Variants in DDX55 observed in about 807,000 individuals in gnomAD.
DDX55 encodes DEAD-box helicase 55.
A neutral mutation model predicts 69.2 loss-of-function variants in DDX55; 56 were observed. That is an observed-to-expected ratio of 0.81 (90% confidence interval 0.65 to 1.01). DDX55 has a LOEUF of 1.01. Ranked by LOEUF, DDX55 falls within the 50% of genes least tolerant of loss-of-function variation. DDX55 has a pLI of 0.00. For synonymous variants in DDX55, 268 were observed against 273.1 expected (o/e 0.98, Z 0.18); for missense variants, 720 against 745.1 (o/e 0.97, Z 0.39).
At chr12:123,611,934 C>G (rs1250161720) in intron 7 of DDX55, among the ~76,000 whole-genome samples, 1 of 152,222 alleles carries the variant, frequency 6.6e-6, no homozygotes, top group Non-Finnish European at 1.5e-5. Flanking sequence ...GAGGTCCTTA[C>G]TTGTCAAATG....
At chr12:123,603,895 C>T (rs780558866) in intron 1 of DDX55, among the ~76,000 whole-genome samples, 1 of 152,058 alleles carries the variant, frequency 6.6e-6, no homozygotes, top group Non-Finnish European at 1.5e-5. Flanking sequence ...TTCTGCCTCC[C>T]GGGTTCAAGC....
Position 123,617,763 on chromosome 12 carries a change from T to TC in DDX55, c.1056dup (p.Val353ArgfsTer34). On this transcript the variant is annotated frameshift_variant, in exon 11 of 14. Coordinates refer to ENST00000238146, the MANE Select transcript of DDX55 (RefSeq NM_020936.3). LOFTEE classifies it high-confidence loss of function. ...TCCACCCTGTGTTCTCACAGTGCCT[T>TC]CGTGCATCGCTGCGGTCGCACAGCT... 1 of 1,611,544 alleles carries TC rather than the reference T, an allele frequency of 6.2e-7. No homozygotes were observed. The highest frequency in any genetic ancestry group is 8.5e-7 in the Non-Finnish European group (1 of 1,179,046).
intron 12 of DDX55, 34 bp downstream of exon 12, chr12:123,618,871 A>G: frequency 6.2e-7 from 1 of 1,607,498 alleles, no homozygotes; most frequent in Non-Finnish European, 8.5e-7. Context: ...TAATGTCTCC[A>G]TCTTAACTAT....
At position 123,619,633 on chromosome 12, in the gene DDX55, G is replaced by A. The variant is rs772023591; in HGVS notation, c.1535G>A (p.Arg512Lys). The change falls in exon 13 of 14, where the codon AGA becomes AAA. Residue 512 changes from arginine (R) to lysine (K), a missense_variant. Physicochemically the swap from Arg to Lys is conservative, Grantham distance 26. Coordinates refer to ENST00000238146, the MANE Select transcript of DDX55 (RefSeq NM_020936.3). ...QRREKTENEG[R>K]RKFIKNKAWS... ...AGAGAGAAAACAGAAAATGAAGGGA[G>A]AAGAAAATTCATAAAAAATAAAGCT... 2 of 1,609,136 alleles carry A rather than the reference G, an allele frequency of 1.2e-6. No individual in the cohort carries two copies. The highest frequency in any genetic ancestry group is 2.2e-5 in the South Asian group (2 of 90,110).
At chr12:123,607,958 C>T (rs1953993564) in intron 5 of DDX55, 1 of 445,172 alleles carries the variant, frequency 2.2e-6, no homozygotes, top group Non-Finnish European at 4.1e-6. Flanking sequence ...CTTGAATACT[C>T]AGCTCCAGCT....
In DDX55 at chr12:123,607,410, T is replaced by C. The variant is rs143284953; in HGVS notation, c.247-22T>C. 3,244 of 1,613,170 alleles carry C rather than the reference T, an allele frequency of 2.0e-3. 75 individuals carry two copies. In the Admixed American group the frequency reaches 0.044, roughly 22 times the overall value. ...GGAGTCCCTTGTGCTGCTGACTGTGTCCCTTCCTTCCATGTGGGTAGGTTG... is the reference window on the plus strand; with the variant it reads ...GGAGTCCCTTGTGCTGCTGACTGTGCCCCTTCCTTCCATGTGGGTAGGTTG... On this transcript the variant is annotated intron_variant, in intron 3 of 13. Transcript: ENST00000238146.
intron 1 of DDX55, chr12:123,604,863 A>T (rs1953789575): frequency 6.6e-6 from 1 of 152,192 alleles, no homozygotes; most frequent in African/African-American, 2.4e-5. Flanking sequence ...ATTGGACAGC[A>T]ATGGCCTGAA....
In DDX55 at chr12:123,609,911, G is replaced by A. The variant is rs374297933; in HGVS notation, c.552-28G>A. 40 of 1,601,832 alleles carry A rather than the reference G, an allele frequency of 2.5e-5. No homozygotes were observed. In the East Asian group the frequency reaches 5.1e-4, roughly 21 times the overall value. ...GTGTTGATTCTGCTGGCAAGTGAGCGGTTAAGTGTGAGCCCTCTTTTTATC... is the reference window on the plus strand; with the variant it reads ...GTGTTGATTCTGCTGGCAAGTGAGCAGTTAAGTGTGAGCCCTCTTTTTATC... On this transcript the variant is annotated intron_variant, in intron 6 of 13. Transcript: ENST00000238146.
At chr12:123,606,047 G>A (rs770544787) in intron 2 of DDX55, 26 bp from the exon 3 acceptor site, 2 of 1,515,226 alleles carry the variant, frequency 1.3e-6, no homozygotes, top group Non-Finnish European at 1.8e-6. Context: ...GAGGAAGAAA[G>A]GGAAACCAAA....
At chr12:123,603,619 T>C (rs1273088751) in intron 1 of DDX55, among the ~76,000 whole-genome samples, 1 of 152,088 alleles carries the variant, frequency 6.6e-6, no homozygotes, top group African/African-American at 2.4e-5. Context: ...CTTGAACTCC[T>C]GACCTCCTGA....
intron 12 of DDX55, 39 bp from the exon 13 acceptor site, chr12:123,619,393 C>T: frequency 6.3e-7 from 1 of 1,580,180 alleles, no homozygotes; most frequent in East Asian, 2.2e-5. Context: ...TGTTCTAATC[C>T]TGTTGAGTGC....
At chr12:123,610,177 T>C (rs545568090) in intron 7 of DDX55, 49 bp downstream of exon 7, 1 of 1,568,658 alleles carries the variant, frequency 6.4e-7, no homozygotes, top group South Asian at 1.2e-5. Context: ...CCAGTGCTCA[T>C]TTTATGGAAA....
intron 7 of DDX55, among the ~76,000 whole-genome samples, chr12:123,610,982 C>G (rs184551548): frequency 1.5e-4 from 23 of 151,570 alleles, no homozygotes; most frequent in African/African-American, 5.1e-4. Flanking sequence ...CTCACTGCAA[C>G]CTCTGCCTCC....
intron 6 of DDX55, 83 bp downstream of exon 6, chr12:123,608,912 T>C: frequency 8.2e-7 from 1 of 1,212,180 alleles, no homozygotes; most frequent in Non-Finnish European, 1.1e-6. Context: ...TACTGTTTCA[T>C]GACTAGGTAT....
chr12:123,605,635 G>A, intron 1 of DDX55: 3 of 490,170 alleles, frequency 6.1e-6, no homozygotes, highest in South Asian at 2.0e-5. Flanking sequence ...GAGCTGGAAG[G>A]GACCCTAAAA....
Position 123,609,989 on chromosome 12 carries a change from T to C in DDX55, c.602T>C (p.Phe201Ser). 3 of 1,614,176 alleles carry C rather than the reference T, an allele frequency of 1.9e-6. No homozygotes were observed. Among genetic ancestry groups the C allele is most frequent in the Non-Finnish European group, 2.5e-6 (3 of 1,180,036 alleles). Residue 201 changes from phenylalanine to serine, a missense_variant, in exon 7 of 14, where the codon TTC becomes TCC. Coordinates refer to ENST00000238146, the MANE Select transcript of DDX55 (RefSeq NM_020936.3). ...FLPKQRRTGL[F>S]SATQTQEVEN... ...CCAAAGCAGAGGAGAACAGGCCTTTTCTCTGCCACTCAGACGCAGGAAGTG... is the reference window on the plus strand; with the variant it reads ...CCAAAGCAGAGGAGAACAGGCCTTTCCTCTGCCACTCAGACGCAGGAAGTG...
At chr12:123,612,960 G>A (rs1954374260) in intron 7 of DDX55, among the ~76,000 whole-genome samples, 1 of 152,138 alleles carries the variant, frequency 6.6e-6, no homozygotes, top group Admixed American at 6.6e-5. Context: ...TGAGCTATAT[G>A]ATTTTGTGAC....
Position 123,619,630 on chromosome 12 carries a change from G to A in DDX55, c.1532G>A (p.Gly511Glu). Residue 511 changes from glycine to glutamate, a missense_variant, in exon 13 of 14, where the codon GGG becomes GAG. Transcript: ENST00000238146. ...AGAAGAGAGAAAACAGAAAATGAAG[G>A]GAGAAGAAAATTCATAAAAAATAAA... The part of the protein sequence containing the change: ...QQRREKTENE[G>E]RRKFIKNKAW... 3 of 1,608,580 alleles carry A rather than the reference G, an allele frequency of 1.9e-6. No individual in the cohort carries two copies. The highest frequency in any genetic ancestry group is 2.5e-6 in the Non-Finnish European group (3 of 1,177,642).
intron 11 of DDX55, 127 bp from the exon 12 acceptor site, chr12:123,618,542 T>C (rs903418862): frequency 7.2e-6 from 11 of 1,538,018 alleles, no homozygotes; most frequent in Non-Finnish European, 8.7e-6. Flanking sequence ...TGGGTTGGAG[T>C]TGGGCTTCAG....
Sources: allele counts gnomAD v4.1 joint callset (sites outside exome capture counted in the v4.1 genomes callset), GRCh38; gene constraint gnomAD v4.1.1; transcripts MANE v1.5; gene names NCBI Gene and HGNC (gene_info 2026-07-23, HGNC 2026-07-21).